Variants in IMPG2 observed in about 807,000 individuals in gnomAD.
The protein encoded by IMPG2 is IPM 200.
In IMPG2, 91 loss-of-function variants were observed where a neutral mutation model predicts 129.2. The observed-to-expected ratio is 0.70, with a 90% CI of 0.59 to 0.84. The LOEUF (loss-of-function observed/expected upper bound fraction) is 0.84, where lower values mean the gene tolerates loss of function less well. IMPG2 is among the 40% of genes least tolerant of loss of function. The pLI is 0.00. For synonymous variants in IMPG2, 510 were observed against 517.7 expected (o/e 0.99, Z 0.20); for missense variants, 1,430 against 1,461.7 (o/e 0.98, Z 0.35).
At position 101,275,686 on chromosome 3, in the gene IMPG2, T is replaced by C; in HGVS notation, c.643A>G (p.Ser215Gly). The C allele has an allele frequency of 1.2e-6, 2 of 1,613,778 alleles. No individual in the cohort carries two copies. Among genetic ancestry groups the C allele is most frequent in the Non-Finnish European group, 1.7e-6 (2 of 1,179,660 alleles). The change falls in exon 6 of 19, where the codon AGC (serine) becomes GGC (glycine). Residue 215 changes from serine to glycine, a missense_variant. Ser to Gly is a moderately conservative substitution (Grantham distance 56). Transcript: ENST00000193391. The part of the protein sequence containing the change: ...VDAYEGASES[S>G]LERPEESISN... Reference sequence around the variant, plus strand: ...ACACTCTCCTCTGGCCTTTCCAAGCTGCTCTCTGAGGCACCTTCATAGGCG... The same window carrying C: ...ACACTCTCCTCTGGCCTTTCCAAGCCGCTCTCTGAGGCACCTTCATAGGCG...
Position 101,246,178 on chromosome 3 carries a change from A to G in IMPG2, c.1240-73T>C, listed in dbSNP as rs183217062. On this transcript the variant is annotated intron_variant, in intron 11 of 18. Coordinates refer to ENST00000193391, the MANE Select transcript of IMPG2 (RefSeq NM_016247.4). ...TAAAAAGTGATTTTAAATACCACCT[A>G]TCTGTCTATATTCCCAGATCTTCTA... The G allele has an allele frequency of 5.6e-5, 79 of 1,405,066 alleles. No homozygotes were observed. In the African/African-American group the frequency reaches 9.9e-4, roughly 18 times the overall value. 87.0% of individuals were successfully genotyped at this position (1,405,066 alleles called of 1,614,324 possible). A position where few individuals can be genotyped will look rare whatever the true frequency, so the allele number is the denominator to read the frequency against.
At chr3:101,302,958 G>A (rs1707153808) in intron 3 of IMPG2, among the ~76,000 whole-genome samples, 1 of 151,744 alleles carries the variant, frequency 6.6e-6, no homozygotes, top group African/African-American at 2.4e-5. Flanking sequence ...TCCTCTCTTG[G>A]ACTAAATGTT....
At chr3:101,318,193 A>C (rs2058795033) in intron 2 of IMPG2, among the ~76,000 whole-genome samples, 1 of 147,814 alleles carries the variant, frequency 6.8e-6, no homozygotes, top group East Asian at 2.0e-4. Context: ...AATAATATAA[A>C]GTAAAAATCC....
rs1256017475 is a variant in IMPG2, at chr3:101,244,468, T to G, written c.1863A>C (p.Ser621=). ...LITWPWSETS[S]EKSAEPLSKP... ...TGGACAGTGGTTCAGCGCTCTTCTC[T>G]GATGAAGTCTCACTCCATGGCCAAG... Residue 621 remains serine (S), a synonymous_variant, in exon 13 of 19, where the codon TCA becomes TCC. Transcript: ENST00000193391. The G allele has an allele frequency of 6.2e-7, 1 of 1,614,126 alleles. No individual in the cohort carries two copies. Among genetic ancestry groups the G allele is most frequent in the East Asian group, 2.2e-5 (1 of 44,878 alleles).
intron 3 of IMPG2, among the ~76,000 whole-genome samples, chr3:101,301,681 G>A (rs779237795): frequency 4.1e-4 from 62 of 152,124 alleles, no homozygotes; most frequent in Non-Finnish European, 7.9e-4. Context: ...CCTTCACCCT[G>A]TCTCGACCCA....
intron 14 of IMPG2, among the ~76,000 whole-genome samples, chr3:101,238,099 A>G (rs561578736): frequency 5.9e-5 from 9 of 151,894 alleles, no homozygotes; most frequent in Non-Finnish European, 1.2e-4. Context: ...TAGCTGAATC[A>G]ATCAAGCAGA....
intron 2 of IMPG2, among the ~76,000 whole-genome samples, chr3:101,315,360 G>GT (rs1216901543): frequency 6.6e-6 from 1 of 152,066 alleles, no homozygotes; most frequent in Non-Finnish European, 1.5e-5. Flanking sequence ...GAAAATTATT[G>GT]TTTTTTTGTA....
intron 4 of IMPG2, 142 bp from the exon 5 acceptor site, chr3:101,276,855 T>C: frequency 1.5e-6 from 1 of 650,628 alleles, no homozygotes; most frequent in Non-Finnish European, 2.8e-6. Context: ...AAGCAAAGTT[T>C]TTTAAAATTA....
chr3:101,317,289 T>C (rs1184502145), intron 2 of IMPG2, among the ~76,000 whole-genome samples: 6 of 152,132 alleles, frequency 3.9e-5, no homozygotes, highest in Admixed American at 6.6e-5. Flanking sequence ...CGAATATTTT[T>C]TTTAAAAAAG....
intron 2 of IMPG2, among the ~76,000 whole-genome samples, chr3:101,318,380 A>G (rs1437322558): frequency 6.6e-6 from 1 of 152,016 alleles, no homozygotes; most frequent in Non-Finnish European, 1.5e-5. Flanking sequence ...ATTGCATAGT[A>G]ATATTTGATA....
rs574832870 is a variant in IMPG2 at position 101,269,189 on chromosome 3, C to G, written c.887+326G>C. On this transcript the variant is annotated intron_variant, in intron 8 of 18. Transcript: ENST00000193391. The stretch of plus-strand genomic sequence containing the variant: ...CACACTGACAAGCTTTAGGAAAACA[C>G]TGGGGCCACATCTCGTCTGCCTCCT... Among the ~76,000 whole-genome samples the G allele has an allele frequency of 1.3e-4, 13 of 102,336 alleles. No homozygotes were observed. In the South Asian group the frequency reaches 5.8e-3, roughly 46 times the overall value. 67.1% of individuals were successfully genotyped at this position (102,336 alleles called of 152,430 possible).
At chr3:101,244,852 A>T in intron 12 of IMPG2, 65 bp from the exon 13 acceptor site, 1 of 1,392,484 alleles carries the variant, frequency 7.2e-7, no homozygotes, top group Non-Finnish European at 1.0e-6. Context: ...AGTTCTCCTA[A>T]TAAAACTAGT....
At chr3:101,259,125 C>G (rs1250121668) in intron 9 of IMPG2, among the ~76,000 whole-genome samples, 1 of 152,016 alleles carries the variant, frequency 6.6e-6, no homozygotes, top group Non-Finnish European at 1.5e-5. Flanking sequence ...AAACTATTAC[C>G]CAAAAAAGTA....
At chr3:101,255,420 C>A (rs1706587842) in intron 10 of IMPG2, among the ~76,000 whole-genome samples, 1 of 152,056 alleles carries the variant, frequency 6.6e-6, no homozygotes. Flanking sequence ...GTAGCTCCAC[C>A]AACAGGCTCC....
At chr3:101,264,906 A>C (rs1393683433) in intron 9 of IMPG2, among the ~76,000 whole-genome samples, 1 of 152,060 alleles carries the variant, frequency 6.6e-6, no homozygotes, top group African/African-American at 2.4e-5. Context: ...ATACACAAGT[A>C]ACAATCTAGC....
intron 4 of IMPG2, among the ~76,000 whole-genome samples, chr3:101,288,179 T>C (rs1263037642): frequency 6.6e-6 from 1 of 152,078 alleles, no homozygotes; most frequent in Non-Finnish European, 1.5e-5. Flanking sequence ...AAAACTACAA[T>C]GAAATACCAT....
At position 101,231,050 on chromosome 3, in the gene IMPG2, A is replaced by G. The variant is rs771675308; in HGVS notation, c.3329T>C (p.Val1110Ala). 18 of 1,614,146 alleles carry G rather than the reference A, an allele frequency of 1.1e-5. No homozygotes were observed. In the South Asian group the frequency reaches 1.8e-4, roughly 16 times the overall value. ...AGCAGAAAAGATGACAAGAAGTCCA[A>G]CCACGGAGGCAATAGTGATGCCTAT... ...VIIGITIASV[V>A]GLLVIFSAII... is the part of the protein sequence containing the mutation. The change falls in exon 16 of 19, where the codon GTT becomes GCT. Residue 1110 changes from valine (V) to alanine (A), a missense_variant. Coordinates refer to ENST00000193391, the MANE Select transcript of IMPG2 (RefSeq NM_016247.4).
chr3:101,320,312 C>A lies in IMPG2; in HGVS notation c.61G>T (p.Glu21Ter). The change falls in exon 1 of 19, where the codon GAA becomes TAA. Residue 21 changes from glutamate (E) to a stop codon, truncating the protein, a stop_gained. Coordinates refer to ENST00000193391, the MANE Select transcript of IMPG2 (RefSeq NM_016247.4). LOFTEE classifies it high-confidence loss of function. ...CCTGTTAATGATGGAAAGTCTCCTT[C>A]TATCAGGACAAATATCAAAATACCC... The part of the protein sequence containing the change: ...SLGILIFVLI[E>*]GDFPSLTAQT... 1 of 1,599,410 alleles carries A rather than the reference C, an allele frequency of 6.3e-7. No homozygotes were observed. Among genetic ancestry groups the A allele is most frequent in the Non-Finnish European group, 8.6e-7 (1 of 1,167,458 alleles).
chr3:101,270,276 C>T (rs1043072434), intron 7 of IMPG2, among the ~76,000 whole-genome samples: 1 of 152,136 alleles, frequency 6.6e-6, no homozygotes, highest in South Asian at 2.1e-4. Flanking sequence ...AGCACACACA[C>T]TGAAAAACAG....
Sources: gnomAD v4.1 joint callset for allele counts (sites outside exome capture counted in the v4.1 genomes callset) on GRCh38, gnomAD v4.1.1 for gene constraint, MANE v1.5 for transcripts, NCBI Gene and HGNC (gene_info 2026-07-23, HGNC 2026-07-21) for gene names.